CBLN2: variants seen among roughly 807,000 people sequenced by gnomAD.
CBLN2 encodes the protein cerebellin-2.
In CBLN2, 7 loss-of-function variants were observed where a neutral mutation model predicts 15.0. The ratio of observed to expected loss-of-function variants is 0.47; its 90% CI spans 0.27 to 0.88. The LOEUF (loss-of-function observed/expected upper bound fraction) is 0.88. Among genes scored for constraint, CBLN2 ranks in the 40% least tolerant of loss-of-function variants. CBLN2 has a pLI of 0.14. For missense variants in CBLN2, 242 were observed against 304.5 expected (o/e 0.79, Z 1.53); for synonymous variants, 149 against 135.2 (o/e 1.10, Z -0.71).
chr18:72,550,946 T>C (rs970839177), intron 1 of CBLN2, among the ~76,000 whole-genome samples: 2 of 152,142 alleles, frequency 1.3e-5, no homozygotes, highest in Admixed American at 6.6e-5. Context: ...TTTGCAGCTC[T>C]GCTATGGTGC....
chr18:72,548,323 C>G (rs2069171539), upstream of CBLN2, among the ~76,000 whole-genome samples: 1 of 152,104 alleles, frequency 6.6e-6, no homozygotes, highest in Admixed American at 6.6e-5. Flanking sequence ...CGAATAGGAC[C>G]TTTTTGTTGT....
At chr18:72,614,908 T>TATTAAAATAAC (rs2069646698) in intron 1 of CBLN2, among the ~76,000 whole-genome samples, 1 of 150,930 alleles carries the variant, frequency 6.6e-6, no homozygotes, top group Non-Finnish European at 1.5e-5. Flanking sequence ...AACATAGTTA[T>TATTAAAATAAC]GTATTACAAG....
intron 1 of CBLN2, among the ~76,000 whole-genome samples, chr18:72,633,875 T>C (rs1406141589): frequency 6.6e-6 from 1 of 152,152 alleles, no homozygotes; most frequent in South Asian, 2.1e-4. Flanking sequence ...CAGTCAACAA[T>C]TCTACTGTTT....
At position 72,542,267 on chromosome 18, in the gene CBLN2, T is replaced by C; in HGVS notation, c.-107A>G. The C allele has an allele frequency of 1.5e-6, 1 of 657,480 alleles. No individual in the cohort carries two copies. The highest frequency in any genetic ancestry group is 2.0e-6 in the Non-Finnish European group (1 of 491,866). 40.7% of individuals were successfully genotyped at this position (657,480 alleles called of 1,614,324 possible). A position where few individuals can be genotyped will look rare whatever the true frequency, so the allele number is the denominator to read the frequency against. ...AGCTCGCAGCAGCCTCCGGGGGCCTTCGTCCCCGGCTCTGACGTTCAAGGC... is the reference window on the plus strand; with the variant it reads ...AGCTCGCAGCAGCCTCCGGGGGCCTCCGTCCCCGGCTCTGACGTTCAAGGC... On this transcript the variant is annotated 5_prime_UTR_variant, in exon 3 of 5. Coordinates refer to ENST00000269503, the MANE Select transcript of CBLN2 (RefSeq NM_182511.4).
chr18:72,543,410 A>C lies in CBLN2; in HGVS notation c.-167+76T>G. 1 of 397,988 alleles carries C rather than the reference A, an allele frequency of 2.5e-6. No homozygotes were observed. The highest frequency in any genetic ancestry group is 1.3e-4 in the South Asian group (1 of 7,848). 24.7% of individuals were successfully genotyped at this position (397,988 alleles called of 1,614,324 possible). On this transcript the variant is annotated intron_variant, in intron 2 of 4. Transcript: ENST00000269503. The surrounding 1 kb of genome is among the most constrained non-coding windows in gnomAD (Gnocchi z 6.8). ...CCACCTCCTCCACCCCTCGATCTGG[A>C]CCAGGGAGAGTCTTCGTTAAAATCC... is the stretch of plus-strand genomic sequence containing the variant.
intron 1 of CBLN2, among the ~76,000 whole-genome samples, chr18:72,633,386 C>T (rs1454515274): frequency 1.3e-5 from 2 of 152,146 alleles, no homozygotes; most frequent in Non-Finnish European, 2.9e-5. Context: ...CACCACTTTC[C>T]CAAGACACGG....
At chr18:72,555,135 T>TCAAAAAAAAAAAAAA (rs2069217021) in intron 1 of CBLN2, among the ~76,000 whole-genome samples, 2 of 148,054 alleles carry the variant, frequency 1.4e-5, no homozygotes, top group Non-Finnish European at 3.0e-5. Context: ...ATTCTGTCTT[T>TCAAAAAAAAAAAAAA]AAAAAAAGAA....
At chr18:72,596,498 C>T (rs973511757) in intron 1 of CBLN2, among the ~76,000 whole-genome samples, 4 of 152,128 alleles carry the variant, frequency 2.6e-5, no homozygotes, top group Non-Finnish European at 5.9e-5. Flanking sequence ...TTTCTGTGTA[C>T]TCACTATTAC....
At chr18:72,630,145 A>G (rs1482134966) in intron 1 of CBLN2, among the ~76,000 whole-genome samples, 2 of 152,156 alleles carry the variant, frequency 1.3e-5, no homozygotes, top group Admixed American at 6.6e-5. Flanking sequence ...AAAACTGTCA[A>G]TCCCCTGGAA....
chr18:72,621,228 C>A (rs2069698683), intron 1 of CBLN2, among the ~76,000 whole-genome samples: 1 of 152,116 alleles, frequency 6.6e-6, no homozygotes, highest in Non-Finnish European at 1.5e-5. Context: ...TAATTTGAAT[C>A]TAATATCTTC....
chr18:72,605,483 C>T (rs2069577417), intron 1 of CBLN2, among the ~76,000 whole-genome samples: 1 of 152,174 alleles, frequency 6.6e-6, no homozygotes, highest in African/African-American at 2.4e-5. Flanking sequence ...TAATTTGAAA[C>T]ATAAAGTAAC....
intron 1 of CBLN2, among the ~76,000 whole-genome samples, chr18:72,553,843 T>C (rs2069207025): frequency 6.6e-6 from 1 of 152,222 alleles, no homozygotes. Flanking sequence ...CTCTGATTGA[T>C]GTTATAAACT....
chr18:72,556,821 C>T (rs892130217), intron 1 of CBLN2, among the ~76,000 whole-genome samples: 5 of 151,678 alleles, frequency 3.3e-5, no homozygotes, highest in Admixed American at 6.6e-5. Flanking sequence ...AAGTAGAGAA[C>T]CATAATGAAA....
At chr18:72,621,195 A>C (rs188068641) in intron 1 of CBLN2, among the ~76,000 whole-genome samples, 1 of 152,302 alleles carries the variant, frequency 6.6e-6, no homozygotes, top group Non-Finnish European at 1.5e-5. Context: ...TTAAGTATTG[A>C]CTTGGTCACA....
intron 1 of CBLN2, among the ~76,000 whole-genome samples, chr18:72,560,653 C>T (rs987484246): frequency 1.3e-5 from 2 of 152,124 alleles, no homozygotes; most frequent in African/African-American, 2.4e-5. Flanking sequence ...AGAAAAAGTT[C>T]GCTGATCTCT....
At chr18:72,597,906 T>G (rs1359993783) in intron 1 of CBLN2, among the ~76,000 whole-genome samples, 2 of 152,192 alleles carry the variant, frequency 1.3e-5, no homozygotes, top group African/African-American at 4.8e-5. Flanking sequence ...TTGCAATGCA[T>G]GCCGCCAGGC....
chr18:72,548,145 C>T (rs144499694), upstream of CBLN2, among the ~76,000 whole-genome samples: 53 of 152,300 alleles, frequency 3.5e-4, no homozygotes, highest in African/African-American at 1.2e-3. Flanking sequence ...GTTGAGAGGA[C>T]TCCTTGTCAC....
At chr18:72,604,674 G>A (rs79610320) in intron 1 of CBLN2, among the ~76,000 whole-genome samples, 1,763 of 152,206 alleles carry the variant, frequency 0.012, 35 homozygotes, top group African/African-American at 0.04. Flanking sequence ...ATGGATTAAC[G>A]AGTTACCAAA....
intron 1 of CBLN2, among the ~76,000 whole-genome samples, chr18:72,550,770 T>C (rs1276842606): frequency 6.6e-6 from 1 of 152,160 alleles, no homozygotes; most frequent in Admixed American, 6.5e-5. Flanking sequence ...GAATATTAAG[T>C]ATTAAATTAA....
Sources: gnomAD v4.1 joint callset for allele counts (sites outside exome capture counted in the v4.1 genomes callset) on GRCh38, gnomAD v4.1.1 for gene constraint, Gnocchi (gnomAD v3.1) non-coding constraint, MANE v1.5 for transcripts, NCBI Gene and HGNC (gene_info 2026-07-23, HGNC 2026-07-21) for gene names.